HPSE2: variants seen among roughly 807,000 people sequenced by gnomAD.
The protein encoded by HPSE2 is inactive heparanase-2.
In HPSE2, 38 loss-of-function variants were observed where a neutral mutation model predicts 60.5. The observed-to-expected ratio is 0.63, with a 90% CI of 0.48 to 0.82. The LOEUF is 0.82. Among genes scored for constraint, HPSE2 ranks in the 40% least tolerant of loss-of-function variants. The pLI, the probability that HPSE2 is intolerant of heterozygous loss-of-function variation, is 0.00. For missense variants in HPSE2, 713 were observed against 740.4 expected (o/e 0.96, Z 0.43); for synonymous variants, 295 against 293.2 (o/e 1.01, Z -0.06).
chr10:99,056,707 A>G (rs951848817), intron 3 of HPSE2, among the ~76,000 whole-genome samples: 1 of 152,152 alleles, frequency 6.6e-6, no homozygotes, highest in African/African-American at 2.4e-5. Context: ...AAGGAGAAAA[A>G]ATTTTATGCC....
chr10:98,543,238 A>T (rs1384230894), intron 9 of HPSE2, among the ~76,000 whole-genome samples: 1 of 152,168 alleles, frequency 6.6e-6, no homozygotes, highest in Non-Finnish European at 1.5e-5. Flanking sequence ...AAGCTTCATA[A>T]GTGAAGGAGA....
intron 7 of HPSE2, among the ~76,000 whole-genome samples, chr10:98,638,235 G>A (rs531165710): frequency 2.5e-4 from 38 of 150,740 alleles, no homozygotes; most frequent in African/African-American, 8.5e-4. Flanking sequence ...GACGAGGTCA[G>A]GAGATTAAGA....
At chr10:98,833,474 A>G (rs964160494) in intron 3 of HPSE2, among the ~76,000 whole-genome samples, 1 of 152,174 alleles carries the variant, frequency 6.6e-6, no homozygotes, top group African/African-American at 2.4e-5. Flanking sequence ...TTACTATCAA[A>G]ATGATATTGT....
chr10:99,106,647 G>C (rs2135666282), intron 3 of HPSE2, among the ~76,000 whole-genome samples: 1 of 151,730 alleles, frequency 6.6e-6, no homozygotes, highest in Middle Eastern at 3.4e-3. Context: ...ATTAATAATG[G>C]CTGCCACTTA....
chr10:99,114,901 CAAAAAAA>C (rs1223188167), intron 3 of HPSE2, among the ~76,000 whole-genome samples: 1 of 54,524 alleles, frequency 1.8e-5, no homozygotes, highest in Non-Finnish European at 3.9e-5. Context: ...GACTCCGTCT[CAAAAAAA>C]AAAAAAAAAA....
intron 3 of HPSE2, among the ~76,000 whole-genome samples, chr10:99,077,293 A>T (rs1306429201): frequency 6.6e-6 from 1 of 152,186 alleles, no homozygotes; most frequent in African/African-American, 2.4e-5. Context: ...TTCTTTGAAT[A>T]AGCTTTCTTC....
chr10:98,537,221 G>A (rs1943309558), intron 9 of HPSE2, among the ~76,000 whole-genome samples: 2 of 152,146 alleles, frequency 1.3e-5, no homozygotes, highest in Admixed American at 6.5e-5. Context: ...TGGAGAGGTA[G>A]GGGAATGGAG....
At chr10:99,181,987 C>T (rs1481915484) in intron 2 of HPSE2, among the ~76,000 whole-genome samples, 1 of 152,152 alleles carries the variant, frequency 6.6e-6, no homozygotes, top group Non-Finnish European at 1.5e-5. Flanking sequence ...GAGCCATCTG[C>T]AAGCCAAGGA....
intron 3 of HPSE2, among the ~76,000 whole-genome samples, chr10:98,817,217 T>C (rs1951312168): frequency 6.6e-6 from 1 of 152,190 alleles, no homozygotes; most frequent in South Asian, 2.1e-4. Context: ...AGTATTATTA[T>C]TCTTATTATA....
rs187169103 is a variant in HPSE2, at chr10:98,562,545, T to C, written c.1320+52359A>G. On this transcript the variant is annotated intron_variant, in intron 9 of 11. Coordinates refer to ENST00000370552, the MANE Select transcript of HPSE2 (RefSeq NM_021828.5). The stretch of plus-strand genomic sequence containing the variant: ...TCCTGGCTAACAAGGTGAAACCCCA[T>C]CTGTACTAAAAATACAAAAATTAGC... Among the ~76,000 whole-genome samples the C allele has an allele frequency of 4.4e-3, 672 of 151,998 alleles. 7 individuals are homozygous for C. The highest frequency in any genetic ancestry group is 0.015 in the African/African-American group (632 of 41,454).
chr10:99,282,100 A>G, the HPSE2 span, among the ~76,000 whole-genome samples: 1 of 152,056 alleles, frequency 6.6e-6, no homozygotes, highest in East Asian at 1.9e-4. Context: ...TCTACTAAAC[A>G]TACAAAAAAT....
At chr10:98,579,129 C>T (rs984975516) in intron 9 of HPSE2, among the ~76,000 whole-genome samples, 6 of 152,128 alleles carry the variant, frequency 3.9e-5, no homozygotes, top group African/African-American at 7.2e-5. Context: ...TGGCAAGACC[C>T]GGAGAATGAC....
intron 3 of HPSE2, among the ~76,000 whole-genome samples, chr10:99,015,509 T>A (rs1423359125): frequency 6.6e-6 from 1 of 152,160 alleles, no homozygotes; most frequent in African/African-American, 2.4e-5. Flanking sequence ...TGAGTTCGTG[T>A]CCTTTGTAGG....
rs565970853 is a variant in HPSE2, at chr10:98,525,436, A to G, written c.1321-35240T>C. Among the ~76,000 whole-genome samples, 4 of 152,394 alleles carry G rather than the reference A, an allele frequency of 2.6e-5. No individual in the cohort carries two copies. The East Asian group carries it at 7.7e-4, about 29-fold the overall frequency. Reference sequence around the variant, plus strand: ...ACAATTCATAGGCATATGCCATAAAATGGAATAGGAGTCTGAAAAACAGAA... The same window carrying G: ...ACAATTCATAGGCATATGCCATAAAGTGGAATAGGAGTCTGAAAAACAGAA... On this transcript the variant is annotated intron_variant, in intron 9 of 11. Transcript: ENST00000370552.
intron 3 of HPSE2, among the ~76,000 whole-genome samples, chr10:99,021,909 T>C (rs1451236982): frequency 6.6e-6 from 1 of 151,920 alleles, no homozygotes; most frequent in Non-Finnish European, 1.5e-5. Context: ...ATTATTATTA[T>C]ACTTTAAGTT....
chr10:99,098,221 A>G (rs1843790508), intron 3 of HPSE2, among the ~76,000 whole-genome samples: 1 of 152,232 alleles, frequency 6.6e-6, no homozygotes, highest in Non-Finnish European at 1.5e-5. Flanking sequence ...AATAATATAA[A>G]TTTAAAAACC....
chr10:98,600,752 A>C (rs1462139), intron 9 of HPSE2, among the ~76,000 whole-genome samples: 90,650 of 147,736 alleles, frequency 0.61, 32,130 homozygotes, highest in Non-Finnish European at 0.77. Context: ...CATACACACA[A>C]AAAAAATATA....
At chr10:99,224,276 CA>C (rs1403086638) in intron 2 of HPSE2, among the ~76,000 whole-genome samples, 5 of 152,142 alleles carry the variant, frequency 3.3e-5, no homozygotes, top group Middle Eastern at 3.4e-3. Context: ...CAAACTTGTA[CA>C]AGGTATGTAA....
chr10:99,253,489 C>G, the HPSE2 span, among the ~76,000 whole-genome samples: 4 of 151,990 alleles, frequency 2.6e-5, no homozygotes, highest in Admixed American at 2.6e-4. Flanking sequence ...AAAATTAATT[C>G]AATTTATAAG....
Sources: allele counts gnomAD v4.1 joint callset (sites outside exome capture counted in the v4.1 genomes callset), GRCh38; gene constraint gnomAD v4.1.1; transcripts MANE v1.5; gene names NCBI Gene and HGNC (gene_info 2026-07-23, HGNC 2026-07-21).